The following IL17RE variants were observed in gnomAD, a reference collection of about 807,000 sequenced individuals.
IL17RE encodes the protein interleukin-17 receptor E.
A neutral mutation model predicts 70.7 loss-of-function variants in IL17RE; 47 were observed. The ratio of observed to expected loss-of-function variants is 0.67; its 90% CI spans 0.53 to 0.85. The LOEUF (loss-of-function observed/expected upper bound fraction) is 0.85, where lower values mean the gene tolerates loss of function less well. IL17RE is among the 40% of genes least tolerant of loss of function. The pLI is 0.00. For missense variants in IL17RE, 850 were observed against 893.9 expected (o/e 0.95, Z 0.63); for synonymous variants, 372 against 381.2 (o/e 0.98, Z 0.28).
In IL17RE at chr3:9,902,898, G is replaced by A; in HGVS notation, c.-35G>A. The A allele has an allele frequency of 6.2e-7, 1 of 1,614,164 alleles. No homozygotes were observed. Among genetic ancestry groups the A allele is most frequent in the South Asian group, 1.1e-5 (1 of 91,086 alleles). ...CTGCCACCCACCTTCAGGCCATGCA[G>A]CCATGTTCCGGGAGCCCTAATTGCA... On this transcript the variant is annotated 5_prime_UTR_variant, in exon 1 of 16. Coordinates refer to ENST00000383814, the MANE Select transcript of IL17RE (RefSeq NM_153480.2).
At position 9,910,914 on chromosome 3, in the gene IL17RE, C is replaced by T; in HGVS notation, c.852C>T (p.His284=). The change falls in exon 9 of 16, where the codon CAC becomes CAT. Residue 284 remains histidine, a synonymous_variant. Coordinates refer to ENST00000383814, the MANE Select transcript of IL17RE (RefSeq NM_153480.2). ...TGCACTTCACTGACTACAGCCAGCA[C>T]ACTCAGATGGTCATGGCCCTGACAC... ...KSVHFTDYSQ[H]TQMVMALTLR... is the part of the protein sequence containing the mutation. The T allele has an allele frequency of 6.2e-7, 1 of 1,614,196 alleles. No homozygotes were observed. The highest frequency in any genetic ancestry group is 8.5e-7 in the Non-Finnish European group (1 of 1,180,026).
chr3:9,904,735 C>T (rs1041032366), intron 3 of IL17RE, among the ~76,000 whole-genome samples: 2 of 150,626 alleles, frequency 1.3e-5, no homozygotes, highest in South Asian at 2.1e-4. Context: ...TGCAGTGAGC[C>T]GACATCATGC....
At position 9,910,875 on chromosome 3, in the gene IL17RE, C is replaced by G; in HGVS notation, c.813C>G (p.Asp271Glu). Residue 271 changes from aspartate (D) to glutamate (E), a missense_variant, in exon 9 of 16, where the codon GAC becomes GAG. Transcript: ENST00000383814. ...CTGCCACCTGCCCAGATGGCTCGGA[C>G]TTCTGGAAGTCAGTGCACTTCACTG... is the stretch of plus-strand genomic sequence containing the variant. ...FQSWPEAYGS[D>E]FWKSVHFTDY... The G allele has an allele frequency of 6.2e-7, 1 of 1,613,826 alleles. No individual in the cohort carries two copies.
At position 9,906,985 on chromosome 3, in the gene IL17RE, T is replaced by G. The variant is rs1332834743; in HGVS notation, c.551T>G (p.Leu184Arg). ...GGACCCGAGTTCTCCTTTGATTTGC[T>G]GCCTGAGGCCCGGGCTATTCGGGTG... ...HGGPEFSFDLLPEARAIRVTI... is the reference protein window; with the variant it reads ...HGGPEFSFDLRPEARAIRVTI... Residue 184 changes from leucine (L) to arginine (R), a missense_variant, in exon 6 of 16, where the codon CTG (leucine) becomes CGG (arginine). Physicochemically the swap from Leu to Arg is moderately radical, Grantham distance 102. Coordinates refer to ENST00000383814, the MANE Select transcript of IL17RE (RefSeq NM_153480.2). The G allele has an allele frequency of 6.2e-7, 1 of 1,614,172 alleles. No individual in the cohort carries two copies.
intron 13 of IL17RE, chr3:9,914,345 T>G: frequency 1.4e-6 from 2 of 1,395,280 alleles, no homozygotes; most frequent in East Asian, 5.0e-5. Flanking sequence ...GAGTTTACTT[T>G]TTGAGTTTGG....
At position 9,916,091 on chromosome 3, in the gene IL17RE, G is replaced by C. The variant is rs1314765598; in HGVS notation, c.*284G>C. 2.6e-6 allele frequency: 1 copy of C among 377,942 alleles called. No individual in the cohort carries two copies. The highest frequency in any genetic ancestry group is 4.9e-5 in the Admixed American group (1 of 20,564). 23.4% of individuals were successfully genotyped at this position (377,942 alleles called of 1,614,324 possible). A position where few individuals can be genotyped will look rare whatever the true frequency, so the allele number is the denominator to read the frequency against. Reference sequence around the variant, plus strand: ...TCCAGAACTCCAGAAAGAGCAGTGTGCTTATGCTTCAGTCCAGGCTGGAGA... The same window carrying C: ...TCCAGAACTCCAGAAAGAGCAGTGTCCTTATGCTTCAGTCCAGGCTGGAGA... On this transcript the variant is annotated 3_prime_UTR_variant, in exon 16 of 16. Coordinates refer to ENST00000383814, the MANE Select transcript of IL17RE (RefSeq NM_153480.2).
rs1224028930 is a variant in IL17RE, at chr3:9,915,172, G to C, written c.1448-79G>C. 1 of 1,343,648 alleles carries C rather than the reference G, an allele frequency of 7.4e-7. No individual in the cohort carries two copies. The highest frequency in any genetic ancestry group is 9.5e-7 in the Non-Finnish European group (1 of 1,051,436). 83.2% of individuals were successfully genotyped at this position (1,343,648 alleles called of 1,614,324 possible). The stretch of plus-strand genomic sequence containing the variant: ...GGGGCGGAGAGGCGAGCACCCTACG[G>C]TATCCCGAGAGGGTGGGGAGAAGAG... On this transcript the variant is annotated intron_variant, in intron 15 of 15. Transcript: ENST00000383814. This position sits in a 1 kb window ranked among gnomAD's most constrained non-coding sequence, Gnocchi z 4.9.
Position 9,910,963 on chromosome 3 carries a change from G to A in IL17RE, c.901G>A (p.Ala301Thr), listed in dbSNP as rs2082876212. Reference sequence around the variant, plus strand: ...ACTCCGCTGCCCACTGAAGCTGGAAGCTGCCCTCTGCCAGAGGCACGACTG... The same window carrying A: ...ACTCCGCTGCCCACTGAAGCTGGAAACTGCCCTCTGCCAGAGGCACGACTG... ...LTLRCPLKLE[A>T]ALCQRHDWHT... Residue 301 changes from alanine to threonine, a missense_variant, in exon 9 of 16, where the codon GCT becomes ACT. Ala to Thr is a moderately conservative substitution (Grantham distance 58, BLOSUM62 0). Transcript: ENST00000383814. The A allele has an allele frequency of 6.2e-7, 1 of 1,614,080 alleles. No homozygotes were observed. Among genetic ancestry groups the A allele is most frequent in the Admixed American group, 1.7e-5 (1 of 60,010 alleles).
chr3:9,915,885 G>A lies in IL17RE; in HGVS notation c.*78G>A. The A allele has an allele frequency of 7.0e-7, 1 of 1,426,604 alleles. No homozygotes were observed. The allele number at this position is 1,426,604 out of a possible 1,614,324, so 88.4% of individuals were successfully genotyped here. On this transcript the variant is annotated 3_prime_UTR_variant, in exon 16 of 16. Coordinates refer to ENST00000383814, the MANE Select transcript of IL17RE (RefSeq NM_153480.2). The surrounding 1 kb of genome is among the most constrained non-coding windows in gnomAD (Gnocchi z 4.9). Reference sequence around the variant, plus strand: ...GGCTGGAACCCCGGAATGAGCCTTCGACCCTGAAATCCTTGGGGTGCCTCG... The same window carrying A: ...GGCTGGAACCCCGGAATGAGCCTTCAACCCTGAAATCCTTGGGGTGCCTCG...
In IL17RE at chr3:9,903,005, G is replaced by A; in HGVS notation, c.73G>A (p.Gly25Arg). The change falls in exon 1 of 16, where the codon GGG becomes AGG. Residue 25 changes from glycine (G) to arginine (R), a missense_variant. Gly to Arg is a moderately radical substitution (Grantham distance 125, BLOSUM62 -2). Coordinates refer to ENST00000383814, the MANE Select transcript of IL17RE (RefSeq NM_153480.2). ...AGTCATCGACCTCTCTGACTCTGCTGGGATTGGCTTTCGCCACCTGCCCCA... is the reference window on the plus strand; with the variant it reads ...AGTCATCGACCTCTCTGACTCTGCTAGGATTGGCTTTCGCCACCTGCCCCA... ...LIVIDLSDSA[G>R]IGFRHLPHWN... 6.2e-7 allele frequency: 1 copy of A among 1,614,232 alleles called. No individual in the cohort carries two copies.
At chr3:9,911,701 C>T (rs1363587100) in intron 12 of IL17RE, 104 bp downstream of exon 12, 9 of 1,108,448 alleles carry the variant, frequency 8.1e-6, no homozygotes, top group Middle Eastern at 2.4e-4. Flanking sequence ...AAACAAATCC[C>T]TGACTTTTAC....
Position 9,904,035 on chromosome 3 carries a change from G to A in IL17RE, c.152G>A (p.Ser51Asn), listed in dbSNP as rs150288330. The change falls in exon 3 of 16, where the codon AGT becomes AAT. Residue 51 changes from serine (S) to asparagine (N), a missense_variant. By Grantham distance (46) the Ser-to-Asn change is conservative. Transcript: ENST00000383814. ...CTTTCCCTTCCATCTTTCCCAGGAAGTTCTGCCTATATCCCTTGCCGCACC... is the reference window on the plus strand; with the variant it reads ...CTTTCCCTTCCATCTTTCCCAGGAAATTCTGCCTATATCCCTTGCCGCACC... The part of the protein sequence containing the change: ...ASHTDDSFTG[S>N]SAYIPCRTWW... The A allele has an allele frequency of 1.2e-6, 2 of 1,614,008 alleles. No individual in the cohort carries two copies. The highest frequency in any genetic ancestry group is 1.3e-5 in the African/African-American group (1 of 74,914).
chr3:9,906,146 G>A (rs2082749487), intron 3 of IL17RE, among the ~76,000 whole-genome samples: 1 of 152,112 alleles, frequency 6.6e-6, no homozygotes, highest in Admixed American at 6.6e-5. Flanking sequence ...CTACTTGGGA[G>A]GCTGAGGCAG....
At chr3:9,902,594 C>T, upstream of IL17RE, 1 of 1,533,818 alleles carries the variant, frequency 6.5e-7, no homozygotes, top group Non-Finnish European at 8.7e-7. Context: ...CAGTGTGTTT[C>T]AGGAGTAGGA....
chr3:9,915,471 G>A lies in IL17RE; in HGVS notation c.1668G>A (p.Leu556=). The change falls in exon 16 of 16, where the codon CTG becomes CTA. Residue 556 remains leucine (L), a synonymous_variant. Coordinates refer to ENST00000383814, the MANE Select transcript of IL17RE (RefSeq NM_153480.2). The surrounding 1 kb of genome is among the most constrained non-coding windows in gnomAD (Gnocchi z 4.9). ...TRVAREQGTV[L]LLWSGADLRP... ...TAGCGCGGGAGCAGGGCACTGTGCT[G>A]CTGCTGTGGAGCGGCGCCGACCTTC... is the stretch of plus-strand genomic sequence containing the variant. 1 of 1,339,696 alleles carries A rather than the reference G, an allele frequency of 7.5e-7. No individual in the cohort carries two copies. The highest frequency in any genetic ancestry group is 9.5e-7 in the Non-Finnish European group (1 of 1,054,004). The allele number at this position is 1,339,696 out of a possible 1,614,324, so 83.0% of individuals were successfully genotyped here. A position where few individuals can be genotyped will look rare whatever the true frequency, so the allele number is the denominator to read the frequency against.
chr3:9,909,532 TGA>T (rs2082843006), intron 8 of IL17RE: 3 of 517,718 alleles, frequency 5.8e-6, no homozygotes, highest in Non-Finnish European at 1.0e-5. Context: ...TTTAGAAATA[TGA>T]GGCCTAGGAG....
At chr3:9,908,783 C>T (rs978377756) in intron 7 of IL17RE, among the ~76,000 whole-genome samples, 1 of 152,124 alleles carries the variant, frequency 6.6e-6, no homozygotes, top group African/African-American at 2.4e-5. Context: ...GAAATTGTCA[C>T]CTGGAAGACC....
In IL17RE at chr3:9,904,096, G is replaced by A; in HGVS notation, c.213G>A (p.Val71=). The A allele has an allele frequency of 6.2e-7, 1 of 1,614,206 alleles. No individual in the cohort carries two copies. ...TCTTCTCCACAAAGCCTTGGTGTGTGCGAGTCTGGCACTGTTCCCGCTGTT... is the reference window on the plus strand; with the variant it reads ...TCTTCTCCACAAAGCCTTGGTGTGTACGAGTCTGGCACTGTTCCCGCTGTT... ...WALFSTKPWC[V]RVWHCSRCLC... Residue 71 remains valine, a synonymous_variant, in exon 3 of 16, where the codon GTG becomes GTA. Transcript: ENST00000383814.
intron 13 of IL17RE, 46 bp from the exon 14 acceptor site, chr3:9,914,502 G>A: frequency 6.2e-7 from 1 of 1,610,704 alleles, no homozygotes; most frequent in South Asian, 1.1e-5. Context: ...CTCCCCGGGA[G>A]GAGAAGATGC....
Sources: gnomAD v4.1 joint callset for allele counts (sites outside exome capture counted in the v4.1 genomes callset) on GRCh38, gnomAD v4.1.1 for gene constraint, Gnocchi (gnomAD v3.1) non-coding constraint, MANE v1.5 for transcripts, NCBI Gene and HGNC (gene_info 2026-07-23, HGNC 2026-07-21) for gene names.